OXR1: variants seen among roughly 807,000 people sequenced by gnomAD.
OXR1 encodes the protein oxidation resistance 1.
In OXR1, 41 loss-of-function variants were observed where a neutral mutation model predicts 104.6. The ratio of observed to expected loss-of-function variants is 0.39; its 90% confidence interval spans 0.31 to 0.51. The LOEUF is 0.51. Among genes scored for constraint, OXR1 ranks in the 20% least tolerant of loss-of-function variants. The pLI is 0.77. For missense variants in OXR1, 955 were observed against 1,031.9 expected (o/e 0.93, Z 1.02); for synonymous variants, 348 against 348.4 (o/e 1.00, Z 0.01).
intron 3 of OXR1, among the ~76,000 whole-genome samples, chr8:106,554,287 A>G (rs1816095043): frequency 6.6e-6 from 1 of 152,260 alleles, no homozygotes; most frequent in Admixed American, 6.5e-5. Flanking sequence ...AACATCAGAC[A>G]GATGTAATTC....
At chr8:106,607,265 T>C (rs1820473478) in intron 3 of OXR1, among the ~76,000 whole-genome samples, 1 of 152,238 alleles carries the variant, frequency 6.6e-6, no homozygotes, top group Admixed American at 6.5e-5. Flanking sequence ...AGCTGTGAGC[T>C]AGGCAACTTT....
At chr8:106,745,956 G>A (rs1297184154) in intron 16 of OXR1, 94 bp downstream of exon 16, 13 of 699,558 alleles carry the variant, frequency 1.9e-5, no homozygotes, top group Non-Finnish European at 2.7e-5. Flanking sequence ...AGAAAGTGTT[G>A]ACGTTAGAAT....
chr8:106,694,711 T>G (rs1296069716), intron 7 of OXR1, among the ~76,000 whole-genome samples: 1 of 108,964 alleles, frequency 9.2e-6, no homozygotes, highest in African/African-American at 3.6e-5. Flanking sequence ...ATATTTAATA[T>G]ATAAATATAT....
At chr8:106,591,404 G>A (rs1184150438) in intron 3 of OXR1, among the ~76,000 whole-genome samples, 3 of 148,248 alleles carry the variant, frequency 2.0e-5, no homozygotes, top group African/African-American at 2.5e-5. Flanking sequence ...TGTAACAAAC[G>A]TGCACGTTGT....
rs1563766042 is a variant in OXR1, at chr8:106,742,270, T to C, written c.2365T>C (p.Tyr789His). The change falls in exon 15 of 17, where the codon TAT (tyrosine) becomes CAT (histidine). Residue 789 changes from tyrosine to histidine, a missense_variant. Physicochemically the swap from Tyr to His is moderately conservative, Grantham distance 83 (BLOSUM62 2). Coordinates refer to ENST00000517566, the MANE Select transcript of OXR1 (RefSeq NM_001198533.2). ...GCCACTGAAAGTGAGTGATGGCTTTTATGGTACTGGAGAGACCTTTGTTTT... is the reference window on the plus strand; with the variant it reads ...GCCACTGAAAGTGAGTGATGGCTTTCATGGTACTGGAGAGACCTTTGTTTT... ...SEPLKVSDGF[Y>H]GTGETFVFTF... The C allele has an allele frequency of 6.2e-7, 1 of 1,612,286 alleles. No homozygotes were observed. Among genetic ancestry groups the C allele is most frequent in the Non-Finnish European group, 8.5e-7 (1 of 1,178,550 alleles).
chr8:106,401,344 T>C (rs188988110), intron 2 of OXR1, among the ~76,000 whole-genome samples: 21 of 152,268 alleles, frequency 1.4e-4, no homozygotes, highest in Middle Eastern at 3.4e-3. Context: ...ATGCCTATGG[T>C]CTTATCTTCC....
In OXR1 at chr8:106,698,027, G is replaced by A. The variant is rs144657460; in HGVS notation, c.676-4879G>A. ...CCTGTTGGCCATTCCAATGGGTGGCGGTGGCTGCGGGGAGCGTTCAAACGG... is the reference window on the plus strand; with the variant it reads ...CCTGTTGGCCATTCCAATGGGTGGCAGTGGCTGCGGGGAGCGTTCAAACGG... On this transcript the variant is annotated intron_variant, in intron 7 of 16. Coordinates refer to ENST00000517566, the MANE Select transcript of OXR1 (RefSeq NM_001198533.2). The A allele has an allele frequency of 1.1e-3, 1,773 of 1,592,016 alleles. 12 individuals are homozygous for A. The African/African-American group carries it at 0.019, about 17-fold the overall frequency.
intron 2 of OXR1, among the ~76,000 whole-genome samples, chr8:106,376,047 G>A (rs947192255): frequency 1.3e-5 from 2 of 152,168 alleles, no homozygotes; most frequent in African/African-American, 4.8e-5. Context: ...CAGGGTCTCA[G>A]TATGTTACCC....
chr8:106,580,097 T>C (rs1023133278), intron 3 of OXR1, among the ~76,000 whole-genome samples: 33 of 152,236 alleles, frequency 2.2e-4, no homozygotes, highest in African/African-American at 7.2e-4. Context: ...ACAAGTATCC[T>C]TTAAAGCATT....
At chr8:106,669,031 T>C (rs1002719627) in intron 3 of OXR1, among the ~76,000 whole-genome samples, 2 of 152,158 alleles carry the variant, frequency 1.3e-5, no homozygotes, top group Non-Finnish European at 2.9e-5. Flanking sequence ...TTTAATATCA[T>C]GGATCTTTTC....
intron 6 of OXR1, among the ~76,000 whole-genome samples, chr8:106,686,686 G>A (rs1828762708): frequency 6.6e-6 from 1 of 152,050 alleles, no homozygotes; most frequent in African/African-American, 2.4e-5. Flanking sequence ...TATATTACCA[G>A]CAACCACTGA....
chr8:106,422,798 A>C (rs758912541), intron 2 of OXR1, among the ~76,000 whole-genome samples: 5 of 152,210 alleles, frequency 3.3e-5, no homozygotes, highest in Non-Finnish European at 4.4e-5. Context: ...TTGTAGAGTC[A>C]GAACTTGAAA....
chr8:106,421,138 A>G (rs1818887889), intron 2 of OXR1, among the ~76,000 whole-genome samples: 1 of 152,178 alleles, frequency 6.6e-6, no homozygotes, highest in Non-Finnish European at 1.5e-5. Context: ...AACATATTTA[A>G]TACCACTGCC....
chr8:106,488,910 C>CT, intron 2 of OXR1, among the ~76,000 whole-genome samples: 1 of 151,736 alleles, frequency 6.6e-6, no homozygotes, highest in East Asian at 1.9e-4. Flanking sequence ...GATGCGGGCT[C>CT]TTTTTTGGTT....
chr8:106,703,518 T>A (rs1830776463), intron 8 of OXR1, among the ~76,000 whole-genome samples: 1 of 148,046 alleles, frequency 6.8e-6, no homozygotes, highest in Non-Finnish European at 1.5e-5. Flanking sequence ...CAAGACAGCT[T>A]TTTTTTTTTT....
At chr8:106,419,112 A>G (rs938507114) in intron 2 of OXR1, among the ~76,000 whole-genome samples, 5 of 152,268 alleles carry the variant, frequency 3.3e-5, no homozygotes, top group African/African-American at 9.6e-5. Context: ...ATTTACACAC[A>G]TTTGCATGTA....
intron 1 of OXR1, among the ~76,000 whole-genome samples, chr8:106,349,801 G>A (rs1437729038): frequency 1.3e-5 from 2 of 152,116 alleles, no homozygotes; most frequent in East Asian, 1.9e-4. Flanking sequence ...GGAATAACAC[G>A]TCAACATCCT....
intron 3 of OXR1, among the ~76,000 whole-genome samples, chr8:106,535,966 A>G (rs541816143): frequency 6.6e-6 from 1 of 152,254 alleles, no homozygotes; most frequent in African/African-American, 2.4e-5. Context: ...CACGCCTGTA[A>G]TCCCAACACT....
intron 2 of OXR1, among the ~76,000 whole-genome samples, chr8:106,435,363 A>G (rs1360631614): frequency 1.3e-5 from 2 of 152,164 alleles, no homozygotes; most frequent in African/African-American, 4.8e-5. Flanking sequence ...CTACTTGAAC[A>G]TAGAAAATGA....
Sources: allele counts gnomAD v4.1 joint callset (sites outside exome capture counted in the v4.1 genomes callset), GRCh38; gene constraint gnomAD v4.1.1; transcripts MANE v1.5; gene names NCBI Gene and HGNC (gene_info 2026-07-23, HGNC 2026-07-21).